Variants in CD59 observed in about 807,000 individuals in gnomAD.
CD59 encodes the protein CD59 glycoprotein.
CD59 carries 3 observed loss-of-function variants against 7.0 expected under a neutral mutation model. The observed-to-expected ratio is 0.43, with a 90% CI of 0.19 to 1.10. The LOEUF (loss-of-function observed/expected upper bound fraction) is 1.10. Ranked by LOEUF, CD59 falls within the 50% of genes least tolerant of loss-of-function variation. The pLI is 0.29. For synonymous variants in CD59, 60 were observed against 62.0 expected (o/e 0.97, Z 0.15); for missense variants, 143 against 151.0 (o/e 0.95, Z 0.28).
Position 33,706,174 on chromosome 11 carries a change from C to T in CD59, c.*3952G>A, listed in dbSNP as rs1853300051. 1 of 152,076 alleles carries T rather than the reference C, an allele frequency of 6.6e-6. No individual in the cohort carries two copies. The highest frequency in any genetic ancestry group is 1.5e-5 in the Non-Finnish European group (1 of 68,028). The allele number at this position is 152,076 out of a possible 1,614,324, so 9.4% of individuals were successfully genotyped here. A position where few individuals can be genotyped will look rare whatever the true frequency, so the allele number is the denominator to read the frequency against. On this transcript the variant is annotated 3_prime_UTR_variant, in exon 4 of 4. Coordinates refer to ENST00000642928, the MANE Select transcript of CD59 (RefSeq NM_000611.6). Reference sequence around the variant, plus strand: ...TGCTGAAAAAGAGAAAATGTCCTTACCTACAATGAACCATCACAGGCACCC... The same window carrying T: ...TGCTGAAAAAGAGAAAATGTCCTTATCTACAATGAACCATCACAGGCACCC...
rs764428686 is a variant in CD59 at position 33,710,171 on chromosome 11, CAGA to C, written c.339_341del (p.Leu115del). On this transcript the variant is annotated inframe_deletion, in exon 4 of 4. Coordinates refer to ENST00000642928, the MANE Select transcript of CD59 (RefSeq NM_000611.6). ...CTGCTGCCAGAAATGGAGTCACCAGCAGAAGAACTGTTTTCTCTGATAAGGATG... is the reference window on the plus strand; with the variant it reads ...CTGCTGCCAGAAATGGAGTCACCAGCAGAACTGTTTTCTCTGATAAGGATG... 33 of 1,613,982 alleles carry C rather than the reference CAGA, an allele frequency of 2.0e-5. No individual in the cohort carries two copies. The African/African-American group carries it at 3.9e-4, about 19-fold the overall frequency.
chr11:33,710,685 C>T (rs76485473), intron 3 of CD59, among the ~76,000 whole-genome samples: 6,496 of 151,570 alleles, frequency 0.043, 450 homozygotes, highest in African/African-American at 0.15. Context: ...TTAGAATTTA[C>T]GCTATGAAGT....
chr11:33,712,238 G>C (rs539041536), intron 3 of CD59, among the ~76,000 whole-genome samples: 5 of 152,202 alleles, frequency 3.3e-5, no homozygotes, highest in African/African-American at 9.6e-5. Flanking sequence ...AAATAGCCTT[G>C]GGCACACAGG....
In CD59 at chr11:33,717,483, A is replaced by G; in HGVS notation, c.68-12T>C. On this transcript the variant is annotated splice_polypyrimidine_tract_variant and intron_variant, in intron 2 of 3. Transcript: ENST00000642928. ...CTGCAGGCTATGACCTAGAATCAGG[A>G]AGAAAGTCAGGATCTCTTAAAGCAG... 1.9e-6 allele frequency: 3 copies of G among 1,564,760 alleles called. No individual in the cohort carries two copies. The highest frequency in any genetic ancestry group is 2.6e-6 in the Non-Finnish European group (3 of 1,135,380).
At chr11:33,720,775 A>G (rs1339537293) in intron 2 of CD59, among the ~76,000 whole-genome samples, 1 of 152,160 alleles carries the variant, frequency 6.6e-6, no homozygotes, top group East Asian at 1.9e-4. Flanking sequence ...TCAGTGGACA[A>G]TGGTTTGATA....
intron 1 of CD59, among the ~76,000 whole-genome samples, chr11:33,729,149 T>C (rs1834023824): frequency 6.6e-6 from 1 of 152,204 alleles, no homozygotes; most frequent in African/African-American, 2.4e-5. Context: ...AGCAATCCCA[T>C]TACTGGGTAT....
chr11:33,716,380 C>T (rs1853791726), intron 3 of CD59, among the ~76,000 whole-genome samples: 1 of 152,134 alleles, frequency 6.6e-6, no homozygotes, highest in Admixed American at 6.5e-5. Flanking sequence ...ACATGTTCAC[C>T]ATTTCTTGAT....
intron 2 of CD59, among the ~76,000 whole-genome samples, chr11:33,720,335 T>A (rs1854000466): frequency 6.6e-6 from 1 of 152,130 alleles, no homozygotes; most frequent in Admixed American, 6.5e-5. Flanking sequence ...TGGTTAACCA[T>A]GATGTTCTTC....
intron 1 of CD59, among the ~76,000 whole-genome samples, chr11:33,724,202 G>A (rs893900750): frequency 6.6e-6 from 1 of 152,242 alleles, no homozygotes; most frequent in African/African-American, 2.4e-5. Flanking sequence ...TTAGGCACTG[G>A]AAAGGTGTCA....
chr11:33,712,913 G>A (rs895131753), intron 3 of CD59, among the ~76,000 whole-genome samples: 3 of 152,078 alleles, frequency 2.0e-5, no homozygotes, highest in Admixed American at 1.3e-4. Flanking sequence ...TAATTTAATA[G>A]TGTTATCATC....
chr11:33,730,093 A>G (rs888629050), intron 1 of CD59, among the ~76,000 whole-genome samples: 1 of 152,164 alleles, frequency 6.6e-6, no homozygotes, highest in Non-Finnish European at 1.5e-5. Context: ...ATACTAGTCT[A>G]TTTTATCACT....
intron 3 of CD59, among the ~76,000 whole-genome samples, chr11:33,713,515 T>TA (rs374534075): frequency 1.3e-5 from 2 of 152,342 alleles, no homozygotes; most frequent in African/African-American, 4.8e-5. Flanking sequence ...AGAGTCCACA[T>TA]AGAGTATTCC....
Position 33,704,484 on chromosome 11 carries a change from C to T in CD59, c.*5642G>A, listed in dbSNP as rs565612441. ...AAACCCAACCCACTCCAGATAATCG[C>T]GCCAGCCTCACACCTGAGAAGCTGC... On this transcript the variant is annotated 3_prime_UTR_variant, in exon 4 of 4. Coordinates refer to ENST00000642928, the MANE Select transcript of CD59 (RefSeq NM_000611.6). The T allele has an allele frequency of 5.9e-5, 9 of 152,220 alleles. No homozygotes were observed. Among genetic ancestry groups the T allele is most frequent in the South Asian group, 2.1e-4 (1 of 4,822 alleles). The allele number at this position is 152,220 out of a possible 1,614,324, so 9.4% of individuals were successfully genotyped here.
At position 33,722,396 on chromosome 11, in the gene CD59, G is replaced by A. The variant is rs1447510141; in HGVS notation, c.50C>T (p.Ala17Val). The change falls in exon 2 of 4, where the codon GCT becomes GTT. Residue 17 changes from alanine (A) to valine (V), a missense_variant. Transcript: ENST00000642928. ...SVLFGLLLVLAVFCHSGHSLQ... is the reference protein window; with the variant it reads ...SVLFGLLLVLVVFCHSGHSLQ... ...GCACTCACCTGAATGGCAGAAGACA[G>A]CCAGGACGAGCAGCAGCCCGAACAG... The A allele has an allele frequency of 1.2e-6, 2 of 1,613,586 alleles. No homozygotes were observed. Among genetic ancestry groups the A allele is most frequent in the Non-Finnish European group, 1.7e-6 (2 of 1,179,486 alleles).
intron 2 of CD59, among the ~76,000 whole-genome samples, chr11:33,721,740 C>T (rs1380250761): frequency 6.6e-6 from 1 of 152,178 alleles, no homozygotes; most frequent in African/African-American, 2.4e-5. Flanking sequence ...GACTCTGTTG[C>T]CAGACTGTGT....
intron 1 of CD59, among the ~76,000 whole-genome samples, chr11:33,735,781 T>TG (rs1854551244): frequency 1.3e-5 from 2 of 151,912 alleles, no homozygotes; most frequent in Admixed American, 6.6e-5. Flanking sequence ...CCAGGCATGG[T>TG]GGCGCATGCC....
At chr11:33,726,080 TG>T (rs1214952847) in intron 1 of CD59, among the ~76,000 whole-genome samples, 1 of 152,132 alleles carries the variant, frequency 6.6e-6, no homozygotes, top group Non-Finnish European at 1.5e-5. Context: ...ACAATAATAG[TG>T]GGAGACTTTA....
At chr11:33,735,947 T>C (rs927128159) in intron 1 of CD59, among the ~76,000 whole-genome samples, 1 of 150,304 alleles carries the variant, frequency 6.7e-6, no homozygotes, top group African/African-American at 2.4e-5. Context: ...GCCCGACACC[T>C]GCTTTTCAAA....
chr11:33,735,545 T>A (rs1296296601), intron 1 of CD59, among the ~76,000 whole-genome samples: 3 of 152,132 alleles, frequency 2.0e-5, no homozygotes, highest in Non-Finnish European at 4.4e-5. Context: ...ATGTTGTTTT[T>A]TGAAAAGTCA....
Sources: gnomAD v4.1 joint callset for allele counts (sites outside exome capture counted in the v4.1 genomes callset) on GRCh38, gnomAD v4.1.1 for gene constraint, MANE v1.5 for transcripts, NCBI Gene and HGNC (gene_info 2026-07-23, HGNC 2026-07-21) for gene names.